The following OTOG variants were observed in gnomAD, a reference collection of about 807,000 sequenced individuals.
OTOG encodes the protein otogelin.
Under a neutral mutation model 313.8 loss-of-function variants are expected in OTOG, and 296 were observed. That is an observed-to-expected ratio of 0.94 (90% confidence interval 0.86 to 1.04). The LOEUF (loss-of-function observed/expected upper bound fraction) is 1.04. OTOG is among the 50% of genes least tolerant of loss of function. OTOG has a pLI of 0.00. For synonymous variants in OTOG, 1,533 were observed against 1,554.9 expected, an observed-to-expected ratio of 0.99 and a Z score of 0.33; for missense variants, 3,948 against 3,840.1, an observed-to-expected ratio of 1.03 and a Z score of -0.74.
chr11:17,559,990 G>A (rs1852147638), intron 12 of OTOG, among the ~76,000 whole-genome samples: 1 of 152,020 alleles, frequency 6.6e-6, no homozygotes, highest in African/African-American at 2.4e-5. Context: ...GGGAAGTGAG[G>A]GTGAGGACAG....
chr11:17,641,354 T>A (rs779435274), intron 51 of OTOG, among the ~76,000 whole-genome samples: 1 of 152,146 alleles, frequency 6.6e-6, no homozygotes, highest in Non-Finnish European at 1.5e-5. Flanking sequence ...GCCTATGGAA[T>A]GCCTGGCACA....
At position 17,611,071 on chromosome 11, in the gene OTOG, A is replaced by T. The variant is rs1372031183; in HGVS notation, c.5771A>T (p.Tyr1924Phe). The T allele has an allele frequency of 6.4e-7, 1 of 1,550,418 alleles. No homozygotes were observed. Among genetic ancestry groups the T allele is most frequent in the Non-Finnish European group, 8.7e-7 (1 of 1,146,962 alleles). ...SKQVSLPTSMYGSAEGGPTEL... is the reference protein window; with the variant it reads ...SKQVSLPTSMFGSAEGGPTEL... ...CAAGTGTCTCTGCCCACTTCCATGT[A>T]TGGTTCTGCAGAGGGTGGGCCCACA... Residue 1924 changes from tyrosine (Y) to phenylalanine (F), a missense_variant, in exon 36 of 56, where the codon TAT (tyrosine) becomes TTT (phenylalanine). By Grantham distance (22) the Tyr-to-Phe change is conservative (BLOSUM62 3). Coordinates refer to ENST00000399397, the MANE Select transcript of OTOG (RefSeq NM_001292063.2).
chr11:17,594,514 T>C (rs1269262184), intron 28 of OTOG, among the ~76,000 whole-genome samples: 3 of 152,070 alleles, frequency 2.0e-5, no homozygotes, highest in Non-Finnish European at 4.4e-5. Context: ...CAAGAGAGAC[T>C]GAGGTGGGTT....
intron 1 of OTOG, 32 bp downstream of exon 1, chr11:17,547,498 G>A (rs1356980560): frequency 1.5e-6 from 2 of 1,330,300 alleles, no homozygotes; most frequent in South Asian, 4.0e-5. Context: ...GGAGGTCGGG[G>A]GCTCGAGGAA....
chr11:17,641,792 A>G, intron 51 of OTOG, 55 bp from the exon 52 acceptor site: 2 of 1,295,362 alleles, frequency 1.5e-6, no homozygotes, highest in Non-Finnish European at 1.1e-6. Context: ...AGGCAGTGGG[A>G]GAGCCAGGGT....
chr11:17,633,718 G>C lies in OTOG; in HGVS notation c.7111G>C (p.Val2371Leu), dbSNP rs1854188832. The part of the protein sequence containing the change: ...CSSDSTYQAC[V>L]TACEPPKTCQ... Reference sequence around the variant, plus strand: ...CAGCGACTCCACATACCAGGCATGTGTGACAGCCTGTGAGCCACCCAAGAC... The same window carrying C: ...CAGCGACTCCACATACCAGGCATGTCTGACAGCCTGTGAGCCACCCAAGAC... The change falls in exon 43 of 56, where the codon GTG becomes CTG. Residue 2371 changes from valine to leucine, a missense_variant. Physicochemically the swap from Val to Leu is conservative, Grantham distance 32. Coordinates refer to ENST00000399397, the MANE Select transcript of OTOG (RefSeq NM_001292063.2). 1 of 1,549,178 alleles carries C rather than the reference G, an allele frequency of 6.5e-7. No homozygotes were observed. Among genetic ancestry groups the C allele is most frequent in the South Asian group, 1.2e-5 (1 of 83,770 alleles).
At chr11:17,593,500 G>A in intron 26 of OTOG, 110 bp from the exon 27 acceptor site, 2 of 1,464,170 alleles carry the variant, frequency 1.4e-6, no homozygotes, top group South Asian at 1.3e-5. Context: ...AGAGGCCAAT[G>A]TCAGGGTATG....
chr11:17,593,215 CTG>C lies in OTOG; in HGVS notation c.3032_3033del (p.Val1011AspfsTer30). 6.5e-7 allele frequency: 1 copy of C among 1,550,312 alleles called. No individual in the cohort carries two copies. Among genetic ancestry groups the C allele is most frequent in the Non-Finnish European group, 8.7e-7 (1 of 1,146,694 alleles). ...CAGAGCACATCAGATGTCAGCTTCTCTGTGATTGTAGAGAATGTGAACTGCTA... is the reference window on the plus strand; with the variant it reads ...CAGAGCACATCAGATGTCAGCTTCTCTGATTGTAGAGAATGTGAACTGCTA... On this transcript the variant is annotated frameshift_variant, in exon 26 of 56. Coordinates refer to ENST00000399397, the MANE Select transcript of OTOG (RefSeq NM_001292063.2). LOFTEE classifies it high-confidence loss of function.
rs1045346273 is a variant in OTOG at position 17,607,138 on chromosome 11, T to G, written c.4156+1003T>G. Among the ~76,000 whole-genome samples, 5 of 152,256 alleles carry G rather than the reference T, an allele frequency of 3.3e-5. No homozygotes were observed. The East Asian group carries it at 9.6e-4, about 29-fold the overall frequency. ...TGTCTCGGAAGTGTGCTGTGAGGAC[T>G]GGCTGTGTCTCGCGGGCTTTGCCTT... is the stretch of plus-strand genomic sequence containing the variant. On this transcript the variant is annotated intron_variant, in intron 33 of 55. Coordinates refer to ENST00000399397, the MANE Select transcript of OTOG (RefSeq NM_001292063.2).
Position 17,610,993 on chromosome 11 carries a change from T to C in OTOG, c.5693T>C (p.Val1898Ala). The C allele has an allele frequency of 6.4e-7, 1 of 1,550,494 alleles. No homozygotes were observed. The highest frequency in any genetic ancestry group is 8.7e-7 in the Non-Finnish European group (1 of 1,147,002). The change falls in exon 36 of 56, where the codon GTA (valine) becomes GCA (alanine). Residue 1898 changes from valine to alanine, a missense_variant. Physicochemically the swap from Val to Ala is moderately conservative, Grantham distance 64. Transcript: ENST00000399397. ...LPVAEGTASMVSVVPRKSTTG... is the reference protein window; with the variant it reads ...LPVAEGTASMASVVPRKSTTG... ...GTGGCTGAGGGCACGGCCTCCATGG[T>C]ATCTGTTGTCCCACGAAAGAGCACC...
Position 17,596,069 on chromosome 11 carries a change from G to A in OTOG, c.3440G>A (p.Cys1147Tyr), listed in dbSNP as rs905235606. ...CPDTLDPRDM[C>Y]VLNPLREPFA... ...GACACCCTCGATCCTCGGGATATGT[G>A]TGTCCTGAATCCTCTCCGAGAACCA... is the stretch of plus-strand genomic sequence containing the variant. The change falls in exon 29 of 56, where the codon TGT becomes TAT. Residue 1147 changes from cysteine (C) to tyrosine (Y), a missense_variant. By Grantham distance (194) the Cys-to-Tyr change is radical. Coordinates refer to ENST00000399397, the MANE Select transcript of OTOG (RefSeq NM_001292063.2). 1 of 1,550,794 alleles carries A rather than the reference G, an allele frequency of 6.4e-7. No individual in the cohort carries two copies. The highest frequency in any genetic ancestry group is 1.4e-5 in the African/African-American group (1 of 73,060).
Position 17,629,333 on chromosome 11 carries a change from C to T in OTOG, c.6712+17C>T, listed in dbSNP as rs1044738133. 3 of 1,538,274 alleles carry T rather than the reference C, an allele frequency of 2.0e-6. No homozygotes were observed. The highest frequency in any genetic ancestry group is 2.8e-5 in the African/African-American group (2 of 72,720). On this transcript the variant is annotated intron_variant, in intron 40 of 55. Coordinates refer to ENST00000399397, the MANE Select transcript of OTOG (RefSeq NM_001292063.2). ...GCCTGTGCGGTGAGGTGGAACCCAG[C>T]TTGCGGGGAGGGGATGCTTCCCAGG... is the stretch of plus-strand genomic sequence containing the variant.
At chr11:17,638,869 G>T (rs551516999) in intron 48 of OTOG, 2 of 1,138,558 alleles carry the variant, frequency 1.8e-6, no homozygotes, top group Middle Eastern at 2.3e-4. Flanking sequence ...AGGCCAAGGC[G>T]GGTGGATCAT....
At position 17,605,844 on chromosome 11, in the gene OTOG, T is replaced by C. The variant is rs1853369813; in HGVS notation, c.3878-13T>C. ...TCTGCCTGTACTGACTCTCCCCATG[T>C]GGTTCTCTGCAGACCCAGATGTGGT... On this transcript the variant is annotated splice_polypyrimidine_tract_variant and intron_variant, in intron 32 of 55. Coordinates refer to ENST00000399397, the MANE Select transcript of OTOG (RefSeq NM_001292063.2). 2.0e-6 allele frequency: 3 copies of C among 1,527,338 alleles called. No homozygotes were observed. The highest frequency in any genetic ancestry group is 2.6e-6 in the Non-Finnish European group (3 of 1,132,434). 94.6% of individuals were successfully genotyped at this position (1,527,338 alleles called of 1,614,324 possible). A position where few individuals can be genotyped will look rare whatever the true frequency, so the allele number is the denominator to read the frequency against.
Position 17,599,580 on chromosome 11 carries a change from A to G in OTOG, c.3683-91A>G, listed in dbSNP as rs1853194660. 5 of 1,415,526 alleles carry G rather than the reference A, an allele frequency of 3.5e-6. No homozygotes were observed. The Admixed American group carries it at 5.9e-5, about 17-fold the overall frequency. 87.7% of individuals were successfully genotyped at this position (1,415,526 alleles called of 1,614,324 possible). ...GGCCAGGCCCAGCACTTGGGGAAGAAGGGAGGCTGGGATGCTGGGAGCCTT... is the reference window on the plus strand; with the variant it reads ...GGCCAGGCCCAGCACTTGGGGAAGAGGGGAGGCTGGGATGCTGGGAGCCTT... On this transcript the variant is annotated intron_variant, in intron 30 of 55. Transcript: ENST00000399397.
chr11:17,547,627 G>A (rs779878589), intron 1 of OTOG, 161 bp downstream of exon 1: 5 of 1,231,016 alleles, frequency 4.1e-6, no homozygotes, highest in South Asian at 3.4e-5. Context: ...GAGGGACCCC[G>A]AAGCCAACAG....
At chr11:17,575,687 G>A (rs1025735194) in intron 20 of OTOG, among the ~76,000 whole-genome samples, 12 of 152,186 alleles carry the variant, frequency 7.9e-5, no homozygotes, top group African/African-American at 2.9e-4. Context: ...TGGCAGGGCT[G>A]GAGAGAGGCC....
At position 17,634,935 on chromosome 11, in the gene OTOG, C is replaced by T. The variant is rs1215718797; in HGVS notation, c.7572C>T (p.Pro2524=). 6.5e-7 allele frequency: 1 copy of T among 1,546,770 alleles called. No homozygotes were observed. Among genetic ancestry groups the T allele is most frequent in the Admixed American group, 2.0e-5 (1 of 50,846 alleles). Residue 2524 remains proline, a synonymous_variant, in exon 45 of 56, where the codon CCC becomes CCT. Transcript: ENST00000399397. ...ACTTCCAGGAGGACTCCTGCTGCCC[C>T]AGCTACAGCTGTGGTGAGAGGCCCG... is the stretch of plus-strand genomic sequence containing the variant. ...LTHFQEDSCC[P]SYSCECDPDL...
intron 53 of OTOG, among the ~76,000 whole-genome samples, chr11:17,643,140 C>T (rs1382958963): frequency 1.3e-5 from 2 of 152,238 alleles, no homozygotes; most frequent in African/African-American, 4.8e-5. Flanking sequence ...GCGCCCCTCC[C>T]CTCCCTTATC....
Sources: allele counts gnomAD v4.1 joint callset (sites outside exome capture counted in the v4.1 genomes callset), GRCh38; gene constraint gnomAD v4.1.1; transcripts MANE v1.5; gene names NCBI Gene and HGNC (gene_info 2026-07-23, HGNC 2026-07-21).